The following UNC45B variants were observed in gnomAD, a reference collection of about 807,000 sequenced individuals.
The protein encoded by UNC45B is protein unc-45 homolog B.
In UNC45B, 78 loss-of-function variants were observed where a neutral mutation model predicts 98.7. The observed-to-expected ratio is 0.79, with a 90% CI of 0.66 to 0.95. The LOEUF is 0.95. UNC45B is among the 40% of genes least tolerant of loss of function. The pLI is 0.00. For synonymous variants in UNC45B, 462 were observed against 480.4 expected (o/e 0.96, Z 0.50); for missense variants, 1,225 against 1,184.9 (o/e 1.03, Z -0.50).
In UNC45B at chr17:35,168,043, C is replaced by A. The variant is rs2092153234; in HGVS notation, c.1152-18C>A. ...CTCTTGGACCAGTTCTCTTGACCACCCTTGTCCTTTGTTTTAGGGGCAAGT... is the reference window on the plus strand; with the variant it reads ...CTCTTGGACCAGTTCTCTTGACCACACTTGTCCTTTGTTTTAGGGGCAAGT... On this transcript the variant is annotated intron_variant, in intron 9 of 19. Coordinates refer to ENST00000394570, the MANE Select transcript of UNC45B (RefSeq NM_001267052.2). 1.4e-6 allele frequency: 2 copies of A among 1,469,806 alleles called. No individual in the cohort carries two copies. The highest frequency in any genetic ancestry group is 1.8e-6 in the Non-Finnish European group (2 of 1,105,006). 91.0% of individuals were successfully genotyped at this position (1,469,806 alleles called of 1,614,324 possible). A position where few individuals can be genotyped will look rare whatever the true frequency, so the allele number is the denominator to read the frequency against.
At chr17:35,175,256 A>C (rs552263718) in intron 14 of UNC45B, among the ~76,000 whole-genome samples, 3 of 152,280 alleles carry the variant, frequency 2.0e-5, no homozygotes, top group African/African-American at 7.2e-5. Flanking sequence ...CCTTCTTGTT[A>C]CCTTGTTCTC....
In UNC45B at chr17:35,164,125, G is replaced by A. The variant is rs200190191; in HGVS notation, c.1110G>A (p.Pro370=). Residue 370 remains proline, a synonymous_variant, in exon 9 of 20, where the codon CCG becomes CCA. Transcript: ENST00000394570. ...NKLYDDLRCD[P]ERDHFRKICE... is the part of the protein sequence containing the mutation. Reference sequence around the variant, plus strand: ...TCTATGATGACCTGCGCTGTGACCCGGAGCGCGATCACTTCCGCAAGATCT... The same window carrying A: ...TCTATGATGACCTGCGCTGTGACCCAGAGCGCGATCACTTCCGCAAGATCT... The A allele has an allele frequency of 7.9e-5, 127 of 1,613,476 alleles. No homozygotes were observed. Among genetic ancestry groups the A allele is most frequent in the Middle Eastern group, 1.7e-4 (1 of 6,058 alleles).
chr17:35,179,091 G>A (rs1250828870), intron 17 of UNC45B, among the ~76,000 whole-genome samples: 1 of 152,218 alleles, frequency 6.6e-6, no homozygotes, highest in African/African-American at 2.4e-5. Flanking sequence ...ATTCTGTGAA[G>A]AAAGTCATTG....
chr17:35,154,606 G>A lies in UNC45B; in HGVS notation c.504G>A (p.Glu168=). Residue 168 remains glutamate, a synonymous_variant, in exon 6 of 20, where the codon GAG becomes GAA. Coordinates refer to ENST00000394570, the MANE Select transcript of UNC45B (RefSeq NM_001267052.2). ...ACAATCTCATTGTCCTAGGCCGTGA[G>A]GAAGCAGGGGCTGAGAAGATCTTCC... ...AANNLIVLGR[E]EAGAEKIFQN... 1 of 1,613,654 alleles carries A rather than the reference G, an allele frequency of 6.2e-7. No homozygotes were observed. Among genetic ancestry groups the A allele is most frequent in the South Asian group, 1.1e-5 (1 of 90,966 alleles).
At chr17:35,185,317 T>G (rs1412098841) in intron 19 of UNC45B, among the ~76,000 whole-genome samples, 1 of 47,110 alleles carries the variant, frequency 2.1e-5, no homozygotes, top group Non-Finnish European at 3.6e-5. Context: ...TTTATTTTTA[T>G]TTTTTTTTGA....
intron 17 of UNC45B, among the ~76,000 whole-genome samples, 170 bp from the exon 18 acceptor site, chr17:35,180,389 A>G (rs2092265403): frequency 6.6e-6 from 1 of 152,122 alleles, no homozygotes; most frequent in South Asian, 2.1e-4. Context: ...GTTGAGGCCC[A>G]TGGTGCCCCT....
rs1039596202 is a variant in UNC45B at position 35,170,221 on chromosome 17, T to A, written c.1655T>A (p.Val552Asp). The A allele has an allele frequency of 1.9e-6, 3 of 1,613,072 alleles. No homozygotes were observed. Among genetic ancestry groups the A allele is most frequent in the Non-Finnish European group, 2.5e-6 (3 of 1,179,280 alleles). Reference sequence around the variant, plus strand: ...GTGAAGGACGACTTTGTCCAGGACGTCCCTGCCCTGCAGGCCATGTTTGAG... The same window carrying A: ...GTGAAGGACGACTTTGTCCAGGACGACCCTGCCCTGCAGGCCATGTTTGAG... ...ADVKDDFVQD[V>D]PALQAMFELA... The change falls in exon 12 of 20, where the codon GTC becomes GAC. Residue 552 changes from valine to aspartate, a missense_variant. By Grantham distance (152) the Val-to-Asp change is radical. Transcript: ENST00000394570.
chr17:35,148,971 A>T lies in UNC45B; in HGVS notation c.169-2A>T, dbSNP rs969278489. On this transcript the variant is annotated splice_acceptor_variant, in intron 2 of 19. Coordinates refer to ENST00000394570, the MANE Select transcript of UNC45B (RefSeq NM_001267052.2). LOFTEE classifies it high-confidence loss of function. ...GTCTCCTTCTCCTTCCCCTTTCCTC[A>T]GGAGAGCTACGTCCAGGCAGCTTCA... is the stretch of plus-strand genomic sequence containing the variant. The T allele has an allele frequency of 6.2e-7, 1 of 1,613,996 alleles. No homozygotes were observed. Among genetic ancestry groups the T allele is most frequent in the Non-Finnish European group, 8.5e-7 (1 of 1,179,972 alleles).
At chr17:35,163,022 C>A (rs1343308605) in intron 8 of UNC45B, among the ~76,000 whole-genome samples, 1 of 152,166 alleles carries the variant, frequency 6.6e-6, no homozygotes, top group African/African-American at 2.4e-5. Flanking sequence ...GGAGCGTGTC[C>A]TTGCTATGTC....
At chr17:35,152,348 T>C (rs1006945358) in intron 4 of UNC45B, among the ~76,000 whole-genome samples, 2 of 151,322 alleles carry the variant, frequency 1.3e-5, no homozygotes, top group Non-Finnish European at 2.9e-5. Context: ...GCTGGCGGAG[T>C]GAAGGATGAT....
At chr17:35,155,115 T>A (rs1178834385) in intron 6 of UNC45B, among the ~76,000 whole-genome samples, 181 bp from the exon 7 acceptor site, 2 of 152,204 alleles carry the variant, frequency 1.3e-5, no homozygotes, top group Non-Finnish European at 2.9e-5. Context: ...CCTCCAGAGA[T>A]GGGCATGGCT....
At chr17:35,180,705 G>C (rs116910034) in intron 18 of UNC45B, 29 bp downstream of exon 18, 2 of 1,580,110 alleles carry the variant, frequency 1.3e-6, no homozygotes, top group Non-Finnish European at 1.7e-6. Flanking sequence ...ATGGAGACCC[G>C]GGCGTGATCA....
chr17:35,159,938 A>G (rs188223092), intron 8 of UNC45B, among the ~76,000 whole-genome samples: 64 of 152,294 alleles, frequency 4.2e-4, no homozygotes, highest in African/African-American at 1.4e-3. Context: ...ATGTTTGTAA[A>G]CCCAAAAGTA....
At chr17:35,167,911 G>C (rs746558238) in intron 9 of UNC45B, 150 bp from the exon 10 acceptor site, 108 of 572,230 alleles carry the variant, frequency 1.9e-4, no homozygotes, top group Non-Finnish European at 2.7e-4. Flanking sequence ...CAGGAGCTGA[G>C]GCTCAGAGAG....
Position 35,189,008 on chromosome 17 carries a change from G to C in UNC45B, c.*2449G>C, listed in dbSNP as rs2092318650. The C allele has an allele frequency of 6.6e-6, 1 of 151,942 alleles. No homozygotes were observed. Among genetic ancestry groups the C allele is most frequent in the Admixed American group, 6.6e-5 (1 of 15,262 alleles). The allele number at this position is 151,942 out of a possible 1,614,324, so 9.4% of individuals were successfully genotyped here. A position where few individuals can be genotyped will look rare whatever the true frequency, so the allele number is the denominator to read the frequency against. On this transcript the variant is annotated 3_prime_UTR_variant, in exon 20 of 20. Coordinates refer to ENST00000394570, the MANE Select transcript of UNC45B (RefSeq NM_001267052.2). Reference sequence around the variant, plus strand: ...CTGAGATCATCTCTTTATTGAGGTAGTTTGCCCAAAAACAGCAAGGAACAG... The same window carrying C: ...CTGAGATCATCTCTTTATTGAGGTACTTTGCCCAAAAACAGCAAGGAACAG...
chr17:35,154,706 A>G lies in UNC45B; in HGVS notation c.604A>G (p.Thr202Ala), dbSNP rs1239372484. 3.1e-6 allele frequency: 5 copies of G among 1,606,212 alleles called. No individual in the cohort carries two copies. In the Admixed American group the frequency reaches 8.6e-5, roughly 28 times the overall value. ...KPELVLAAVRTLSGMCSGHQA... is the reference protein window; with the variant it reads ...KPELVLAAVRALSGMCSGHQA... ...TGAGCTGGTGCTGGCTGCAGTGCGG[A>G]CCCTGTCGGGCATGTGCAGCGGCCA... The change falls in exon 6 of 20, where the codon ACC (threonine) becomes GCC (alanine). Residue 202 changes from threonine (T) to alanine (A), a missense_variant. By Grantham distance (58) the Thr-to-Ala change is moderately conservative (BLOSUM62 0). Coordinates refer to ENST00000394570, the MANE Select transcript of UNC45B (RefSeq NM_001267052.2).
intron 8 of UNC45B, among the ~76,000 whole-genome samples, chr17:35,161,156 C>T (rs1430424931): frequency 1.3e-5 from 2 of 152,208 alleles, no homozygotes; most frequent in African/African-American, 4.8e-5. Context: ...GATCTAGGCT[C>T]ATCCACGTGT....
At chr17:35,153,688 G>T (rs1271209418) in intron 5 of UNC45B, among the ~76,000 whole-genome samples, 2 of 150,348 alleles carry the variant, frequency 1.3e-5, no homozygotes, top group Non-Finnish European at 3.0e-5. Flanking sequence ...AAAGTTTTTT[G>T]GTTTGTTTTT....
chr17:35,180,433 C>T, intron 17 of UNC45B, 126 bp from the exon 18 acceptor site: 1 of 720,366 alleles, frequency 1.4e-6, no homozygotes, highest in Non-Finnish European at 2.4e-6. Flanking sequence ...GCCACATAAA[C>T]CATGCTGGCT....
Sources: allele counts gnomAD v4.1 joint callset (sites outside exome capture counted in the v4.1 genomes callset), GRCh38; gene constraint gnomAD v4.1.1; transcripts MANE v1.5; gene names NCBI Gene and HGNC (gene_info 2026-07-23, HGNC 2026-07-21).